FUT9: variants seen among roughly 807,000 people sequenced by gnomAD.
The protein encoded by FUT9 is 4-galactosyl-N-acetylglucosaminide 3-alpha-L-fucosyltransferase 9.
In FUT9, 15 loss-of-function variants were observed where a neutral mutation model predicts 29.7. That is an observed-to-expected ratio of 0.51 (90% CI 0.34 to 0.78). The LOEUF (loss-of-function observed/expected upper bound fraction) is 0.78, where lower values mean the gene tolerates loss of function less well. Ranked by LOEUF, FUT9 falls within the 30% of genes least tolerant of loss-of-function variation. The pLI, the probability that FUT9 is intolerant of heterozygous loss-of-function variation, is 0.01. For synonymous variants in FUT9, 169 were observed against 153.7 expected, an observed-to-expected ratio of 1.10 and a Z score of -0.74; for missense variants, 319 against 425.4, an observed-to-expected ratio of 0.75 and a Z score of 2.20.
At chr6:96,196,318 G>A (rs181547536) in intron 2 of FUT9, among the ~76,000 whole-genome samples, 7 of 152,180 alleles carry the variant, frequency 4.6e-5, no homozygotes, top group African/African-American at 7.2e-5. Context: ...ATTAAGACTC[G>A]AAGACTTAAG....
intron 1 of FUT9, among the ~76,000 whole-genome samples, chr6:96,044,835 T>C (rs1770533994): frequency 6.6e-6 from 1 of 152,222 alleles, no homozygotes; most frequent in African/African-American, 2.4e-5. Context: ...AAATTAATCA[T>C]TTTAATTAAG....
rs952644345 is a variant in FUT9, at chr6:96,204,593, C to T, written c.*358C>T. On this transcript the variant is annotated 3_prime_UTR_variant, in exon 3 of 3. Coordinates refer to ENST00000302103, the MANE Select transcript of FUT9 (RefSeq NM_006581.4). Reference sequence around the variant, plus strand: ...TTAATCTATTTGGGAAATGAAGATGCACATCTTAAAGTATGAAAAATTTTC... The same window carrying T: ...TTAATCTATTTGGGAAATGAAGATGTACATCTTAAAGTATGAAAAATTTTC... 15 of 172,042 alleles carry T rather than the reference C, an allele frequency of 8.7e-5. 1 individual carries two copies. Among genetic ancestry groups the T allele is most frequent in the Admixed American group, 5.2e-4 (8 of 15,494 alleles). The allele number at this position is 172,042 out of a possible 1,614,324, so 10.7% of individuals were successfully genotyped here. A position where few individuals can be genotyped will look rare whatever the true frequency, so the allele number is the denominator to read the frequency against.
At chr6:96,020,456 T>A (rs1371871564) in intron 1 of FUT9, among the ~76,000 whole-genome samples, 2 of 152,056 alleles carry the variant, frequency 1.3e-5, no homozygotes, top group African/African-American at 4.8e-5. Flanking sequence ...ATAACTCAGG[T>A]GGTCAGGGAA....
intron 2 of FUT9, among the ~76,000 whole-genome samples, chr6:96,199,086 C>T (rs773567961): frequency 1.3e-5 from 2 of 152,108 alleles, no homozygotes; most frequent in Non-Finnish European, 2.9e-5. Context: ...TCTCATAGTA[C>T]TTGAAACTAC....
intron 2 of FUT9, among the ~76,000 whole-genome samples, chr6:96,117,300 T>A (rs1771930030): frequency 6.6e-6 from 1 of 152,190 alleles, no homozygotes; most frequent in South Asian, 2.1e-4. Flanking sequence ...GAGAAAGAAG[T>A]TATAATCAGC....
chr6:96,060,620 T>G (rs1430290476), intron 1 of FUT9, among the ~76,000 whole-genome samples: 1 of 151,988 alleles, frequency 6.6e-6, no homozygotes, highest in Non-Finnish European at 1.5e-5. Flanking sequence ...CACTGCAACC[T>G]CTGCCTCCCA....
rs1212272972 is a variant in FUT9 at position 96,208,165 on chromosome 6, C to G, written c.*3930C>G. The stretch of plus-strand genomic sequence containing the variant: ...TTGCGGAGGCTTTAAATTCTTACCT[C>G]CAATTGGAGGTTAAATATTAAAAGA... On this transcript the variant is annotated 3_prime_UTR_variant, in exon 3 of 3. Transcript: ENST00000302103. The G allele has an allele frequency of 1.8e-5, 3 of 166,598 alleles. No individual in the cohort carries two copies. The highest frequency in any genetic ancestry group is 4.4e-5 in the Non-Finnish European group (3 of 67,936). 10.3% of individuals were successfully genotyped at this position (166,598 alleles called of 1,614,324 possible).
At chr6:96,151,261 A>G (rs1453223078) in intron 2 of FUT9, among the ~76,000 whole-genome samples, 2 of 152,214 alleles carry the variant, frequency 1.3e-5, no homozygotes, top group Non-Finnish European at 2.9e-5. Flanking sequence ...TTCTACTTCA[A>G]TATGAGCCTC....
chr6:96,118,803 T>G (rs1278683255), intron 2 of FUT9, among the ~76,000 whole-genome samples: 1 of 152,148 alleles, frequency 6.6e-6, no homozygotes, highest in Admixed American at 6.5e-5. Flanking sequence ...ACAGTGATAT[T>G]GATGATCTTC....
intron 1 of FUT9, among the ~76,000 whole-genome samples, chr6:96,017,828 TG>T (rs1770005077): frequency 6.6e-6 from 1 of 152,208 alleles, no homozygotes; most frequent in Admixed American, 6.5e-5. Context: ...GAGAGATGTA[TG>T]CTTCATCACC....
In FUT9 at chr6:96,139,778, T is replaced by C. The variant is rs1024121215; in HGVS notation, c.-9+25651T>C. On this transcript the variant is annotated intron_variant, in intron 2 of 2. Transcript: ENST00000302103. ...GTTGTACAGTGGCCCCTTTTAACCATGGCTGGAGCTGAAGCAGCTGAGATG... is the reference window on the plus strand; with the variant it reads ...GTTGTACAGTGGCCCCTTTTAACCACGGCTGGAGCTGAAGCAGCTGAGATG... Among the ~76,000 whole-genome samples, 7 of 152,146 alleles carry C rather than the reference T, an allele frequency of 4.6e-5. No individual in the cohort carries two copies. In the East Asian group the frequency reaches 7.7e-4, roughly 17 times the overall value.
rs1773214395 is a variant in FUT9, at chr6:96,176,899, G to T, written c.-8-26249G>T. On this transcript the variant is annotated intron_variant, in intron 2 of 2. Coordinates refer to ENST00000302103, the MANE Select transcript of FUT9 (RefSeq NM_006581.4). ...TGACTGCCGCTTAGTCTTAGGCTCT[G>T]CAGGTCCCACAGCTACTTCATCACA... is the stretch of plus-strand genomic sequence containing the variant. Among the ~76,000 whole-genome samples, 3 of 152,286 alleles carry T rather than the reference G, an allele frequency of 2.0e-5. No homozygotes were observed. In the South Asian group the frequency reaches 6.2e-4, roughly 32 times the overall value.
At chr6:96,063,137 A>T (rs1041975438) in intron 1 of FUT9, among the ~76,000 whole-genome samples, 8 of 152,190 alleles carry the variant, frequency 5.3e-5, no homozygotes, top group Non-Finnish European at 1.0e-4. Context: ...GTTGCTTATA[A>T]AACATCAATC....
At chr6:96,019,313 T>G (rs1480694597) in intron 1 of FUT9, among the ~76,000 whole-genome samples, 1 of 152,018 alleles carries the variant, frequency 6.6e-6, no homozygotes, top group East Asian at 1.9e-4. Context: ...ACATACAATA[T>G]TTTTATACTC....
intron 2 of FUT9, among the ~76,000 whole-genome samples, chr6:96,137,581 CA>C (rs941898384): frequency 7.2e-5 from 11 of 152,012 alleles, no homozygotes; most frequent in Non-Finnish European, 1.5e-5. Context: ...AAGGTGATAA[CA>C]CTTAACATCA....
chr6:96,196,108 C>G (rs566854072), intron 2 of FUT9, among the ~76,000 whole-genome samples: 4 of 152,052 alleles, frequency 2.6e-5, no homozygotes, highest in Non-Finnish European at 5.9e-5. Flanking sequence ...GGGAAGAAGA[C>G]GGGGAAGCGA....
intron 2 of FUT9, among the ~76,000 whole-genome samples, chr6:96,136,373 A>G (rs767334814): frequency 6.6e-6 from 1 of 151,958 alleles, no homozygotes; most frequent in Non-Finnish European, 1.5e-5. Flanking sequence ...ATTCAAAACT[A>G]TCTAAAGAGG....
At chr6:96,065,315 C>A (rs1770944185) in intron 1 of FUT9, among the ~76,000 whole-genome samples, 2 of 152,100 alleles carry the variant, frequency 1.3e-5, no homozygotes, top group African/African-American at 4.8e-5. Context: ...ATGAACTAGC[C>A]ATACAAACAA....
At chr6:96,021,650 C>T (rs1770071099) in intron 1 of FUT9, among the ~76,000 whole-genome samples, 1 of 151,800 alleles carries the variant, frequency 6.6e-6, no homozygotes. Flanking sequence ...TGAACAGTTG[C>T]AATTCAGTGA....
Sources: allele counts gnomAD v4.1 joint callset (sites outside exome capture counted in the v4.1 genomes callset), GRCh38; gene constraint gnomAD v4.1.1; transcripts MANE v1.5; gene names NCBI Gene and HGNC (gene_info 2026-07-23, HGNC 2026-07-21).